The following SYCP1 variants were observed in gnomAD, a reference collection of about 807,000 sequenced individuals.
SYCP1 encodes cancer/testis antigen 8.
In SYCP1, 64 loss-of-function variants were observed where a neutral mutation model predicts 153.1. That is an observed-to-expected ratio of 0.42 (90% confidence interval 0.34 to 0.51). The LOEUF is 0.51. Among genes scored for constraint, SYCP1 ranks in the 20% least tolerant of loss-of-function variants. The pLI, the probability that SYCP1 is intolerant of heterozygous loss-of-function variation, is 0.06. For missense variants in SYCP1, 997 were observed against 1,049.0 expected (o/e 0.95, Z 0.68); for synonymous variants, 384 against 341.8 (o/e 1.12, Z -1.36).
intron 8 of SYCP1, among the ~76,000 whole-genome samples, chr1:114,868,992 G>T (rs1428410347): frequency 6.6e-6 from 1 of 151,744 alleles, no homozygotes; most frequent in Admixed American, 6.6e-5. Flanking sequence ...ACCAGCTTTT[G>T]GTTTCATTGA....
At chr1:114,926,235 G>T in intron 21 of SYCP1, 43 bp from the exon 22 acceptor site, 1 of 1,389,916 alleles carries the variant, frequency 7.2e-7, no homozygotes, top group Non-Finnish European at 9.5e-7. Flanking sequence ...TGTTTCAACT[G>T]GTATACTGAA....
At chr1:114,978,287 T>TA (rs1262265626) in intron 28 of SYCP1, among the ~76,000 whole-genome samples, 3 of 151,564 alleles carry the variant, frequency 2.0e-5, no homozygotes, top group Non-Finnish European at 4.4e-5. Context: ...ACTTAGGGTA[T>TA]AAAGGAGAAG....
chr1:114,865,720 A>G (rs1307771657), intron 8 of SYCP1, among the ~76,000 whole-genome samples: 3 of 152,210 alleles, frequency 2.0e-5, no homozygotes, highest in Non-Finnish European at 2.9e-5. Flanking sequence ...CAAAGTTCAT[A>G]GTTTACATTA....
rs944316397 is a variant in SYCP1 at position 114,984,789 on chromosome 1, T to C, written c.2624T>C (p.Ile875Thr). 6.6e-7 allele frequency: 1 copy of C among 1,514,062 alleles called. No homozygotes were observed. The highest frequency in any genetic ancestry group is 1.4e-5 in the African/African-American group (1 of 70,178). The allele number at this position is 1,514,062 out of a possible 1,614,324, so 93.8% of individuals were successfully genotyped here. Residue 875 changes from isoleucine to threonine, a missense_variant, in exon 30 of 32, where the codon ATT (isoleucine) becomes ACT (threonine). Transcript: ENST00000369522. Reference protein sequence around the residue: ...LQQRENLNIPIEESKKKRKMA... With the variant: ...LQQRENLNIPTEESKKKRKMA... ...CAAAGAGAAAACTTGAATATACCCA[T>C]TGAAGAAAGTAAAAAAAAGAGAAAA...
intron 23 of SYCP1, among the ~76,000 whole-genome samples, chr1:114,932,467 A>G (rs1426631824): frequency 2.0e-5 from 3 of 152,232 alleles, no homozygotes; most frequent in African/African-American, 4.8e-5. Context: ...GAACAGCTCC[A>G]GTCTACAGCT....
At chr1:114,952,801 T>A (rs1671194295) in intron 27 of SYCP1, among the ~76,000 whole-genome samples, 1 of 152,220 alleles carries the variant, frequency 6.6e-6, no homozygotes, top group African/African-American at 2.4e-5. Flanking sequence ...ATTAGACTTG[T>A]TTTTACCTGT....
At chr1:114,953,731 C>T (rs1333956449) in intron 27 of SYCP1, among the ~76,000 whole-genome samples, 1 of 152,130 alleles carries the variant, frequency 6.6e-6, no homozygotes, top group East Asian at 1.9e-4. Flanking sequence ...AAATGATTCT[C>T]CTACTTTATT....
rs181908207 is a variant in SYCP1, at chr1:114,882,394, T to C, written c.911-3141T>C. Reference sequence around the variant, plus strand: ...CTTCTCTTTTATTTCTCACACATCATGAAATTCCTCCATTTTATTTTTAGT... The same window carrying C: ...CTTCTCTTTTATTTCTCACACATCACGAAATTCCTCCATTTTATTTTTAGT... On this transcript the variant is annotated intron_variant, in intron 12 of 31. Coordinates refer to ENST00000369522, the MANE Select transcript of SYCP1 (RefSeq NM_003176.4). 3.8e-3 allele frequency among the ~76,000 whole-genome samples: 581 copies of C among 152,338 alleles called. 3 individuals carry two copies. The highest frequency in any genetic ancestry group is 5.8e-3 in the Non-Finnish European group (395 of 68,020).
At chr1:114,883,779 G>A (rs1021947294) in intron 12 of SYCP1, among the ~76,000 whole-genome samples, 3 of 152,106 alleles carry the variant, frequency 2.0e-5, no homozygotes, top group East Asian at 1.9e-4. Context: ...TGCAACCTCC[G>A]CCTTCCTGGT....
Position 114,947,675 on chromosome 1 carries a change from C to T in SYCP1, c.2322+355C>T, listed in dbSNP as rs565377470. Among the ~76,000 whole-genome samples the T allele has an allele frequency of 4.2e-4, 63 of 151,226 alleles. 1 individual carries two copies. Among genetic ancestry groups the T allele is most frequent in the Middle Eastern group, 3.4e-3 (1 of 292 alleles). ...AAAAATACAAAAAATTAGCCGGGTG[C>T]GGTGGCGGGCGCCTGTAGTCCCAGC... On this transcript the variant is annotated intron_variant, in intron 27 of 31. Coordinates refer to ENST00000369522, the MANE Select transcript of SYCP1 (RefSeq NM_003176.4).
At chr1:114,985,277 C>T (rs1359241914) in intron 30 of SYCP1, among the ~76,000 whole-genome samples, 1 of 151,892 alleles carries the variant, frequency 6.6e-6, no homozygotes, top group Non-Finnish European at 1.5e-5. Flanking sequence ...TTTTACATCA[C>T]TGGTTGATAT....
intron 14 of SYCP1, 53 bp downstream of exon 14, chr1:114,886,362 C>G: frequency 6.5e-6 from 9 of 1,389,342 alleles, no homozygotes; most frequent in Non-Finnish European, 5.7e-6. Flanking sequence ...AAACAATTTA[C>G]TTTTAATATT....
In SYCP1 at chr1:114,923,547, A is replaced by ATT; in HGVS notation, c.1800+17_1800+18insTT. 1.3e-6 allele frequency: 2 copies of ATT among 1,552,044 alleles called. No homozygotes were observed. The highest frequency in any genetic ancestry group is 1.7e-6 in the Non-Finnish European group (2 of 1,145,660). On this transcript the variant is annotated intron_variant, in intron 21 of 31. Transcript: ENST00000369522. ...GAAGAAAATGTATGTTATATTTAAT[A>ATT]ATGGATCGTATCACAAAATTTCAAA...
chr1:114,981,872 A>G (rs1673178763), intron 29 of SYCP1, among the ~76,000 whole-genome samples: 1 of 152,044 alleles, frequency 6.6e-6, no homozygotes, highest in African/African-American at 2.4e-5. Flanking sequence ...ATCAGTGTTT[A>G]AGGCCCTGAC....
At chr1:114,963,375 T>G (rs1055543428) in intron 27 of SYCP1, among the ~76,000 whole-genome samples, 1 of 152,178 alleles carries the variant, frequency 6.6e-6, no homozygotes, top group Non-Finnish European at 1.5e-5. Flanking sequence ...TTTAAAAGTA[T>G]TTTTTCTTTT....
At chr1:114,957,617 T>A (rs1330089825) in intron 27 of SYCP1, among the ~76,000 whole-genome samples, 1 of 152,050 alleles carries the variant, frequency 6.6e-6, no homozygotes, top group African/African-American at 2.4e-5. Context: ...AATTATCTGA[T>A]TAAAAATTGG....
At chr1:114,870,545 C>A (rs76373402) in intron 8 of SYCP1, among the ~76,000 whole-genome samples, 7,318 of 152,154 alleles carry the variant, frequency 0.048, 219 homozygotes, top group African/African-American at 0.064. Context: ...ATATTTGAGT[C>A]TTTGTATATT....
At chr1:114,935,616 C>G (rs1669946828) in intron 23 of SYCP1, among the ~76,000 whole-genome samples, 1 of 152,096 alleles carries the variant, frequency 6.6e-6, no homozygotes, top group African/African-American at 2.4e-5. Context: ...AATCCAGGAG[C>G]TGGTTTTTTG....
intron 28 of SYCP1, 44 bp from the exon 29 acceptor site, chr1:114,981,292 T>A: frequency 1.4e-6 from 2 of 1,387,608 alleles, no homozygotes; most frequent in Middle Eastern, 1.9e-4. Flanking sequence ...ATAATTAATG[T>A]GACATTTAGT....
Sources: allele counts gnomAD v4.1 joint callset (sites outside exome capture counted in the v4.1 genomes callset), GRCh38; gene constraint gnomAD v4.1.1; transcripts MANE v1.5; gene names NCBI Gene and HGNC (gene_info 2026-07-23, HGNC 2026-07-21).